The following ALPK1 variants were observed in gnomAD, a reference collection of about 807,000 sequenced individuals.
ALPK1 encodes the protein alpha-protein kinase 1.
A neutral mutation model predicts 120.6 loss-of-function variants in ALPK1; 110 were observed. That is an observed-to-expected ratio of 0.91 (90% CI 0.78 to 1.07). The LOEUF (loss-of-function observed/expected upper bound fraction) is 1.07, where lower values mean the gene tolerates loss of function less well. Ranked by LOEUF, ALPK1 falls within the 50% of genes least tolerant of loss-of-function variation. The pLI, the probability that ALPK1 is intolerant of heterozygous loss-of-function variation, is 0.00. For missense variants in ALPK1, 1,498 were observed against 1,483.9 expected (o/e 1.01, Z -0.16); for synonymous variants, 582 against 560.3 (o/e 1.04, Z -0.55).
intron 2 of ALPK1, chr4:112,357,706 G>A (rs1730706544): frequency 2.2e-5 from 35 of 1,563,342 alleles, no homozygotes; most frequent in Non-Finnish European, 3.0e-5. Flanking sequence ...CTCCGCGTTT[G>A]ACAGACGGTT....
intron 3 of ALPK1, among the ~76,000 whole-genome samples, chr4:112,380,958 G>C (rs991478729): frequency 6.6e-6 from 1 of 152,188 alleles, no homozygotes; most frequent in African/African-American, 2.4e-5. Context: ...GGATTGAGGA[G>C]AAGTGGCAAT....
rs1205120148 is a variant in ALPK1 at position 112,427,637 on chromosome 4, A to T, written c.767A>T (p.Lys256Met). Residue 256 changes from lysine (K) to methionine (M), a missense_variant, in exon 9 of 16, where the codon AAG becomes ATG. Lys to Met is a moderately conservative substitution (Grantham distance 95). Coordinates refer to ENST00000650871, the MANE Select transcript of ALPK1 (RefSeq NM_025144.4). ...FVSMSKNDYEKFKNNPQINLS... is the reference protein window; with the variant it reads ...FVSMSKNDYEMFKNNPQINLS... Reference sequence around the variant, plus strand: ...TCCATGAGCAAGAACGATTATGAAAAGTTTAAAAACAATCCACAAATTAAT... The same window carrying T: ...TCCATGAGCAAGAACGATTATGAAATGTTTAAAAACAATCCACAAATTAAT... 1 of 1,613,922 alleles carries T rather than the reference A, an allele frequency of 6.2e-7. No homozygotes were observed. The highest frequency in any genetic ancestry group is 1.1e-5 in the South Asian group (1 of 91,074).
intron 1 of ALPK1, among the ~76,000 whole-genome samples, chr4:112,314,022 T>C (rs995741060): frequency 5.9e-5 from 9 of 152,218 alleles, no homozygotes; most frequent in Admixed American, 1.3e-4. Context: ...AGCAAAAGCT[T>C]GACGATGTAA....
chr4:112,318,112 A>G (rs1329451052), intron 2 of ALPK1, among the ~76,000 whole-genome samples: 1 of 152,176 alleles, frequency 6.6e-6, no homozygotes, highest in African/African-American at 2.4e-5. Context: ...AGTTTAAAAG[A>G]CCTTTTTAAA....
At chr4:112,338,036 G>A (rs751546079) in intron 2 of ALPK1, among the ~76,000 whole-genome samples, 14 of 152,070 alleles carry the variant, frequency 9.2e-5, no homozygotes, top group African/African-American at 1.4e-4. Flanking sequence ...GCATGATCTC[G>A]GCCCACTGAA....
At chr4:112,420,295 T>G (rs1381796557) in intron 5 of ALPK1, among the ~76,000 whole-genome samples, 1 of 152,270 alleles carries the variant, frequency 6.6e-6, no homozygotes, top group East Asian at 1.9e-4. Flanking sequence ...GGTGATCATT[T>G]GCTTTGCAAC....
chr4:112,428,860 CAATT>C (rs1248749870), intron 9 of ALPK1, among the ~76,000 whole-genome samples: 1 of 152,200 alleles, frequency 6.6e-6, no homozygotes, highest in Non-Finnish European at 1.5e-5. Context: ...GTGCAGAAAT[CAATT>C]AATCTGGCTT....
In ALPK1 at chr4:112,403,259, C is replaced by T. The variant is rs28645154; in HGVS notation, c.277-8568C>T. Among the ~76,000 whole-genome samples, 622 of 150,896 alleles carry T rather than the reference C, an allele frequency of 4.1e-3. 4 individuals are homozygous for T. Among genetic ancestry groups the T allele is most frequent in the African/African-American group, 0.014 (593 of 41,006 alleles). On this transcript the variant is annotated intron_variant, in intron 4 of 15. Transcript: ENST00000650871. ...ATTCCCAGGATGATGATGTATTCTGCTTTGCTGCTGAGGAATTTACTATCC... is the reference window on the plus strand; with the variant it reads ...ATTCCCAGGATGATGATGTATTCTGTTTTGCTGCTGAGGAATTTACTATCC...
Position 112,423,975 on chromosome 4 carries a change from C to T in ALPK1, c.507C>T (p.Ser169=). The T allele has an allele frequency of 6.2e-7, 1 of 1,613,982 alleles. No individual in the cohort carries two copies. The highest frequency in any genetic ancestry group is 8.5e-7 in the Non-Finnish European group (1 of 1,180,010). Residue 169 remains serine, a synonymous_variant, in exon 6 of 16, where the codon AGC becomes AGT. Transcript: ENST00000650871. ...GKLLKAEYIL[S]SLISNNGATG... ...TTTTAAAAGCAGAGTATATTCTGAG[C>T]AGTCTAATAAGCAACAATGGAGCAA...
intron 2 of ALPK1, among the ~76,000 whole-genome samples, chr4:112,335,192 G>T (rs532342517): frequency 2.2e-4 from 34 of 151,728 alleles, no homozygotes; most frequent in African/African-American, 8.2e-4. Flanking sequence ...GCAGGCGGAG[G>T]TTGCGGTGAG....
chr4:112,358,568 GC>G, intron 2 of ALPK1: 1 of 703,370 alleles, frequency 1.4e-6, no homozygotes, highest in Non-Finnish European at 2.6e-6. Context: ...GCCAGACCCT[GC>G]CTGGCAGAGG....
chr4:112,356,624 G>A (rs1730631731), intron 2 of ALPK1: 1 of 789,376 alleles, frequency 1.3e-6, no homozygotes, highest in Non-Finnish European at 2.2e-6. Context: ...TGTGCCGCAA[G>A]AAGATGGCAA....
intron 2 of ALPK1, among the ~76,000 whole-genome samples, chr4:112,374,027 T>G (rs890293481): frequency 1.3e-5 from 2 of 152,226 alleles, no homozygotes; most frequent in African/African-American, 4.8e-5. Flanking sequence ...TTTCTTAAAT[T>G]AAGACAACAA....
chr4:112,420,754 G>T (rs1733955861), intron 5 of ALPK1, among the ~76,000 whole-genome samples: 1 of 152,062 alleles, frequency 6.6e-6, no homozygotes, highest in Admixed American at 6.5e-5. Flanking sequence ...CTTTGAGAAT[G>T]GTTCGCCTCA....
intron 2 of ALPK1, among the ~76,000 whole-genome samples, chr4:112,371,436 G>A (rs535541927): frequency 9.7e-4 from 147 of 152,140 alleles, no homozygotes; most frequent in Admixed American, 2.5e-3. Flanking sequence ...TCCTTTTATC[G>A]CTAGTTCAGC....
In ALPK1 at chr4:112,426,470, T is replaced by A; in HGVS notation, c.626T>A (p.Met209Lys). Residue 209 changes from methionine to lysine, a missense_variant, in exon 8 of 16, where the codon ATG becomes AAG. Transcript: ENST00000650871. ...IRGQILQKLG[M>K]WYEAAELIWA... Reference sequence around the variant, plus strand: ...CCGCCCCTCTTTTTTTTTTCAGGGATGTGGTACGAAGCAGCAGAGTTAATA... The same window carrying A: ...CCGCCCCTCTTTTTTTTTTCAGGGAAGTGGTACGAAGCAGCAGAGTTAATA... 3 of 1,607,582 alleles carry A rather than the reference T, an allele frequency of 1.9e-6. No homozygotes were observed. The highest frequency in any genetic ancestry group is 2.5e-6 in the Non-Finnish European group (3 of 1,177,098).
chr4:112,315,469 T>A (rs1484921065), intron 1 of ALPK1, among the ~76,000 whole-genome samples: 2 of 152,198 alleles, frequency 1.3e-5, no homozygotes, highest in East Asian at 3.8e-4. Context: ...CCTTTATGGT[T>A]GAAGTTTAAG....
chr4:112,396,630 G>T (rs2148737978), intron 4 of ALPK1, among the ~76,000 whole-genome samples: 1 of 152,086 alleles, frequency 6.6e-6, no homozygotes, highest in African/African-American at 2.4e-5. Context: ...TTTATATTTT[G>T]AGATCTCAGA....
chr4:112,420,841 A>AAGAG (rs141678964), intron 5 of ALPK1, among the ~76,000 whole-genome samples: 197 of 149,592 alleles, frequency 1.3e-3, no homozygotes, highest in African/African-American at 3.3e-3. Context: ...CATAGAGAGA[A>AAGAG]AGAGAGAGAG....
Sources: gnomAD v4.1 joint callset for allele counts (sites outside exome capture counted in the v4.1 genomes callset) on GRCh38, gnomAD v4.1.1 for gene constraint, MANE v1.5 for transcripts, NCBI Gene and HGNC (gene_info 2026-07-23, HGNC 2026-07-21) for gene names.